The following MYO1D variants were observed in gnomAD, a reference collection of about 807,000 sequenced individuals.
The protein encoded by MYO1D is myosin ID.
MYO1D carries 83 observed loss-of-function variants against 122.0 expected under a neutral mutation model. The ratio of observed to expected loss-of-function variants is 0.68; its 90% CI spans 0.57 to 0.82. MYO1D has a LOEUF of 0.82. Ranked by LOEUF, MYO1D falls within the 40% of genes least tolerant of loss-of-function variation. The pLI is 0.00. For missense variants in MYO1D, 1,157 were observed against 1,269.5 expected, an observed-to-expected ratio of 0.91 and a Z score of 1.35; for synonymous variants, 464 against 446.9, an observed-to-expected ratio of 1.04 and a Z score of -0.48.
At chr17:32,772,943 T>C in intron 4 of MYO1D, 101 bp from the exon 5 acceptor site, 1 of 864,990 alleles carries the variant, frequency 1.2e-6, no homozygotes, top group Admixed American at 1.9e-5. Context: ...AGCCCAAGCC[T>C]GCACGTATAC....
chr17:32,867,989 C>T (rs907747510), intron 1 of MYO1D, among the ~76,000 whole-genome samples: 1 of 150,822 alleles, frequency 6.6e-6, no homozygotes, highest in Admixed American at 6.6e-5. Context: ...CAAACCTTCA[C>T]GGAGGCTGAG....
intron 1 of MYO1D, among the ~76,000 whole-genome samples, chr17:32,815,898 A>G (rs996520287): frequency 4.0e-4 from 61 of 152,370 alleles, no homozygotes; most frequent in African/African-American, 1.3e-3. Context: ...GTTTCTTGTA[A>G]GTTTGTTTAC....
chr17:32,564,760 ACT>A (rs2087157349), intron 21 of MYO1D, among the ~76,000 whole-genome samples: 1 of 152,098 alleles, frequency 6.6e-6, no homozygotes, highest in Non-Finnish European at 1.5e-5. Context: ...TTTAACCCTG[ACT>A]CTAAGGCATC....
At chr17:32,649,610 T>C (rs1246349630) in intron 19 of MYO1D, among the ~76,000 whole-genome samples, 2 of 141,490 alleles carry the variant, frequency 1.4e-5, no homozygotes, top group African/African-American at 5.3e-5. Context: ...CTCACTCTGT[T>C]GCCCAGGCTG....
At chr17:32,551,580 A>G (rs2087015640) in intron 21 of MYO1D, among the ~76,000 whole-genome samples, 1 of 151,452 alleles carries the variant, frequency 6.6e-6, no homozygotes, top group Admixed American at 6.6e-5. Flanking sequence ...ACACACACAC[A>G]CACACGCATC....
At chr17:32,810,276 C>G (rs961450112) in intron 1 of MYO1D, among the ~76,000 whole-genome samples, 1 of 152,154 alleles carries the variant, frequency 6.6e-6, no homozygotes, top group Admixed American at 6.5e-5. Context: ...GAAACAGAAG[C>G]GCAGATACAA....
chr17:32,523,961 C>T (rs892493113), intron 21 of MYO1D, among the ~76,000 whole-genome samples: 1 of 152,174 alleles, frequency 6.6e-6, no homozygotes, highest in Non-Finnish European at 1.5e-5. Context: ...TTCATACAGA[C>T]TTTGTGAAGA....
At chr17:32,553,610 T>C (rs2087042299) in intron 21 of MYO1D, among the ~76,000 whole-genome samples, 1 of 152,164 alleles carries the variant, frequency 6.6e-6, no homozygotes, top group Non-Finnish European at 1.5e-5. Context: ...CCATTCCCTC[T>C]CCTTGAAACT....
At chr17:32,830,824 T>G (rs2090765080) in intron 1 of MYO1D, among the ~76,000 whole-genome samples, 1 of 152,140 alleles carries the variant, frequency 6.6e-6, no homozygotes, top group Admixed American at 6.5e-5. Context: ...CTTTGGGAGA[T>G]CGAGGCGGGC....
At chr17:32,688,106 A>G (rs2089043564) in intron 16 of MYO1D, among the ~76,000 whole-genome samples, 1 of 152,210 alleles carries the variant, frequency 6.6e-6, no homozygotes, top group South Asian at 2.1e-4. Context: ...CTTCCATAGC[A>G]TAGCTTGGGA....
intron 16 of MYO1D, among the ~76,000 whole-genome samples, chr17:32,660,424 C>T (rs1801866379): frequency 6.6e-6 from 1 of 152,184 alleles, no homozygotes; most frequent in Non-Finnish European, 1.5e-5. Context: ...CCCGTCTGTG[C>T]CCACCAATTC....
chr17:32,687,228 A>AT (rs2089028300), intron 16 of MYO1D, among the ~76,000 whole-genome samples: 1 of 133,750 alleles, frequency 7.5e-6, no homozygotes, highest in Non-Finnish European at 1.6e-5. Context: ...ACAGAGTCTC[A>AT]CTCTGTCACC....
At chr17:32,827,630 T>C (rs1438942489) in intron 1 of MYO1D, among the ~76,000 whole-genome samples, 5 of 152,194 alleles carry the variant, frequency 3.3e-5, no homozygotes, top group African/African-American at 1.2e-4. Context: ...TTGTATTTAT[T>C]TCTCTATTTT....
At chr17:32,831,931 T>G (rs1379645351) in intron 1 of MYO1D, among the ~76,000 whole-genome samples, 1 of 152,158 alleles carries the variant, frequency 6.6e-6, no homozygotes, top group African/African-American at 2.4e-5. Context: ...CTTTTCTAGG[T>G]GAGGCAATGC....
Position 32,649,052 on chromosome 17 carries a change from A to G in MYO1D, c.2595+4791T>C, listed in dbSNP as rs189681418. ...TATGGTATAAAAACCATACGACAGT[A>G]TATTTCCATTTCCCCCATCTTTGTG... is the stretch of plus-strand genomic sequence containing the variant. On this transcript the variant is annotated intron_variant, in intron 19 of 21. Transcript: ENST00000318217. Among the ~76,000 whole-genome samples the G allele has an allele frequency of 2.0e-5, 3 of 152,306 alleles. No homozygotes were observed. In the East Asian group the frequency reaches 5.8e-4, roughly 29 times the overall value.
chr17:32,748,103 T>TG (rs2089857066), intron 12 of MYO1D, among the ~76,000 whole-genome samples: 1 of 152,226 alleles, frequency 6.6e-6, no homozygotes, highest in Non-Finnish European at 1.5e-5. Context: ...GTTAATTTGT[T>TG]ACAGCAGCCC....
chr17:32,512,341 C>G lies in MYO1D; in HGVS notation c.2865-17426G>C, dbSNP rs56317477. Among the ~76,000 whole-genome samples, 733 of 151,620 alleles carry G rather than the reference C, an allele frequency of 4.8e-3. 5 individuals are homozygous for G. Among genetic ancestry groups the G allele is most frequent in the African/African-American group, 0.017 (694 of 41,392 alleles). ...AAGAGCCATCATGAAACATCTGCAT[C>G]TTCTGGGATGCAAGATAAATAATAA... On this transcript the variant is annotated intron_variant, in intron 21 of 21. Coordinates refer to ENST00000318217, the MANE Select transcript of MYO1D (RefSeq NM_015194.3).
chr17:32,821,978 G>A (rs1458977154), intron 1 of MYO1D, among the ~76,000 whole-genome samples: 1 of 152,178 alleles, frequency 6.6e-6, no homozygotes, highest in East Asian at 1.9e-4. Context: ...ATTCCTCAGG[G>A]ATCTAGAACT....
At chr17:32,632,185 T>G (rs1221480319) in intron 20 of MYO1D, among the ~76,000 whole-genome samples, 1 of 152,156 alleles carries the variant, frequency 6.6e-6, no homozygotes, top group East Asian at 1.9e-4. Context: ...TTTTTAAAGT[T>G]TGGCATGGAG....
Sources: allele counts gnomAD v4.1 joint callset (sites outside exome capture counted in the v4.1 genomes callset), GRCh38; gene constraint gnomAD v4.1.1; transcripts MANE v1.5; gene names NCBI Gene and HGNC (gene_info 2026-07-23, HGNC 2026-07-21).